The following ZSCAN25 variants were observed in gnomAD, a reference collection of about 807,000 sequenced individuals.
ZSCAN25 encodes zinc finger and SCAN domain-containing protein 25.
A neutral mutation model predicts 38.7 loss-of-function variants in ZSCAN25; 27 were observed. The ratio of observed to expected loss-of-function variants is 0.70; its 90% CI spans 0.51 to 0.96. The LOEUF (loss-of-function observed/expected upper bound fraction) is 0.96. Ranked by LOEUF, ZSCAN25 falls within the 40% of genes least tolerant of loss-of-function variation. ZSCAN25 has a pLI of 0.00. For missense variants in ZSCAN25, 637 were observed against 705.9 expected, an observed-to-expected ratio of 0.90 and a Z score of 1.11; for synonymous variants, 273 against 277.7, an observed-to-expected ratio of 0.98 and a Z score of 0.17.
chr7:99,692,917 C>T, the ZSCAN25 span, among the ~76,000 whole-genome samples: 1 of 152,226 alleles, frequency 6.6e-6, no homozygotes, highest in Non-Finnish European at 1.5e-5. Context: ...AACTCATTCT[C>T]TGTCCAGTTT....
chr7:99,672,974 G>A, the ZSCAN25 span: 18 of 994,364 alleles, frequency 1.8e-5, no homozygotes, highest in East Asian at 2.0e-4. Context: ...TAGAGCATTC[G>A]TTAAGCTGGG....
chr7:99,618,100 C>A (rs1227218234), intron 1 of ZSCAN25: 3 of 152,212 alleles, frequency 2.0e-5, no homozygotes, highest in African/African-American at 7.2e-5. Flanking sequence ...ATTCTCTGCT[C>A]CAGTCAGGTG....
the ZSCAN25 span, among the ~76,000 whole-genome samples, chr7:99,672,042 TTTGTTG>T: frequency 4.6e-5 from 7 of 151,728 alleles, no homozygotes; most frequent in South Asian, 2.1e-4. Flanking sequence ...TTTGCCGGTT[TTTGTTG>T]TTGTTGTTGT....
At chr7:99,652,833 C>T in the ZSCAN25 span, 1 of 1,363,492 alleles carries the variant, frequency 7.3e-7, no homozygotes, top group African/African-American at 1.4e-5. Context: ...TAACTCTCAA[C>T]TGAGTCCATG....
Position 99,629,413 on chromosome 7 carries a change from CCTT to C in ZSCAN25, c.1031_1033del (p.Phe344del), listed in dbSNP as rs1434867311. 2 of 1,614,104 alleles carry C rather than the reference CCTT, an allele frequency of 1.2e-6. No homozygotes were observed. The highest frequency in any genetic ancestry group is 2.7e-5 in the African/African-American group (2 of 74,942). On this transcript the variant is annotated inframe_deletion, in exon 8 of 8. Transcript: ENST00000394152. This position sits in a 1 kb window ranked among gnomAD's most constrained non-coding sequence, Gnocchi z 5.6. ...CCTGACGAAGTCAAAACCCACAGCT[CCTT>C]CTGGAAGCCTTTCCAGTGCCCTGAG...
chr7:99,666,860 C>G, the ZSCAN25 span: 1 of 1,589,132 alleles, frequency 6.3e-7, no homozygotes, highest in Non-Finnish European at 8.6e-7. Context: ...ACTCAGTGGA[C>G]TACCCCTTGG....
the ZSCAN25 span, among the ~76,000 whole-genome samples, chr7:99,720,149 G>C: frequency 2.6e-5 from 4 of 152,158 alleles, no homozygotes; most frequent in Non-Finnish European, 5.9e-5. Flanking sequence ...TGTATTTATA[G>C]TTATGCAAGA....
At chr7:99,732,760 A>G in the ZSCAN25 span, among the ~76,000 whole-genome samples, 2 of 152,188 alleles carry the variant, frequency 1.3e-5, no homozygotes, top group Non-Finnish European at 2.9e-5. Context: ...ATGTGGTTCA[A>G]AAGTACGGTG....
chr7:99,693,717 AG>A, the ZSCAN25 span, among the ~76,000 whole-genome samples: 1 of 152,228 alleles, frequency 6.6e-6, no homozygotes, highest in East Asian at 1.9e-4. Context: ...CTGCCGATCG[AG>A]GCACGGGAGG....
At chr7:99,666,899 G>A in the ZSCAN25 span, 1 of 1,604,762 alleles carries the variant, frequency 6.2e-7, no homozygotes, top group Non-Finnish European at 8.5e-7. Flanking sequence ...CTTTCTACCT[G>A]TCCCCAGATT....
the ZSCAN25 span, chr7:99,675,965 G>C: frequency 1.5e-6 from 1 of 649,634 alleles, no homozygotes; most frequent in Non-Finnish European, 2.6e-6. Context: ...CAGAGGCTGA[G>C]ATTACAGGCA....
At chr7:99,716,714 GTTTAATA>G in the ZSCAN25 span, among the ~76,000 whole-genome samples, 1 of 152,040 alleles carries the variant, frequency 6.6e-6, no homozygotes, top group Non-Finnish European at 1.5e-5. Context: ...TGGTGGGAAT[GTTTAATA>G]TTTAGTATTC....
chr7:99,669,286 C>T, the ZSCAN25 span, among the ~76,000 whole-genome samples: 9 of 152,130 alleles, frequency 5.9e-5, no homozygotes, highest in Non-Finnish European at 1.0e-4. Context: ...TATGCAAAAA[C>T]GTGCTGACAA....
At chr7:99,710,928 G>A in the ZSCAN25 span, 60 of 1,613,040 alleles carry the variant, frequency 3.7e-5, no homozygotes, top group Non-Finnish European at 4.6e-5. Context: ...GGTAAATCAG[G>A]TCAATGTAGG....
the ZSCAN25 span, chr7:99,650,057 C>T: frequency 1.2e-6 from 2 of 1,613,370 alleles, no homozygotes; most frequent in Non-Finnish European, 8.5e-7. Flanking sequence ...ATAAAACATA[C>T]AGAAAGTGTA....
At chr7:99,624,204 TGAG>T (rs1325500045) in intron 7 of ZSCAN25, 24 bp downstream of exon 7, 1 of 1,612,650 alleles carries the variant, frequency 6.2e-7, no homozygotes, top group African/African-American at 1.3e-5. Context: ...CACCCACAGG[TGAG>T]GAACTGGGGA....
the ZSCAN25 span, chr7:99,672,866 C>T: frequency 7.1e-7 from 1 of 1,399,448 alleles, no homozygotes; most frequent in South Asian, 1.6e-5. Flanking sequence ...CAGGAGCCAC[C>T]CAAGGCTTCA....
chr7:99,701,720 CTA>C, the ZSCAN25 span, among the ~76,000 whole-genome samples: 30 of 152,300 alleles, frequency 2.0e-4, no homozygotes, highest in South Asian at 5.8e-3. Flanking sequence ...TTTCATATAA[CTA>C]TGTGGCATTT....
chr7:99,670,128 TAAGTC>T, the ZSCAN25 span, among the ~76,000 whole-genome samples: 2 of 152,188 alleles, frequency 1.3e-5, no homozygotes, highest in African/African-American at 4.8e-5. Context: ...GTAAGATGGT[TAAGTC>T]AAGGCAAAAT....
Sources: gnomAD v4.1 joint callset for allele counts (sites outside exome capture counted in the v4.1 genomes callset) on GRCh38, gnomAD v4.1.1 for gene constraint, Gnocchi (gnomAD v3.1) non-coding constraint, MANE v1.5 for transcripts, NCBI Gene and HGNC (gene_info 2026-07-23, HGNC 2026-07-21) for gene names.